MIGA2: variants seen among roughly 807,000 people sequenced by gnomAD.
MIGA2 encodes mitoguardin 2.
MIGA2 carries 36 observed loss-of-function variants against 69.9 expected under a neutral mutation model. That is an observed-to-expected ratio of 0.52 (90% CI 0.39 to 0.68). The LOEUF (loss-of-function observed/expected upper bound fraction) is 0.68. Ranked by LOEUF, MIGA2 falls within the 30% of genes least tolerant of loss-of-function variation. The probability of loss-of-function intolerance (pLI) is 0.00; values close to 1 mark genes in which losing one functional copy is unlikely to be tolerated. For synonymous variants in MIGA2, 333 were observed against 349.2 expected (o/e 0.95, Z 0.52); for missense variants, 660 against 787.7 (o/e 0.84, Z 1.94).
chr9:129,066,399 G>A (rs887558049), intron 11 of MIGA2, among the ~76,000 whole-genome samples: 1 of 152,212 alleles, frequency 6.6e-6, no homozygotes, highest in African/African-American at 2.4e-5. Context: ...ATGAGGCTGG[G>A]CGCAGTGGCT....
intron 1 of MIGA2, 24 bp from the exon 2 acceptor site, chr9:129,040,428 C>T: frequency 7.3e-7 from 1 of 1,365,930 alleles, no homozygotes; most frequent in Non-Finnish European, 9.6e-7. Context: ...GTTCTCTTAT[C>T]TGACTTGGTC....
intron 6 of MIGA2, among the ~76,000 whole-genome samples, chr9:129,053,619 G>A (rs1474692009): frequency 6.6e-6 from 1 of 152,058 alleles, no homozygotes; most frequent in African/African-American, 2.4e-5. Flanking sequence ...CGCCCGCCTC[G>A]GCCTCGCAAC....
Position 129,068,752 on chromosome 9 carries a change from G to C in MIGA2, c.1405-324G>C. 2 of 443,778 alleles carry C rather than the reference G, an allele frequency of 4.5e-6. No homozygotes were observed. The highest frequency in any genetic ancestry group is 8.2e-6 in the Non-Finnish European group (2 of 242,864). The allele number at this position is 443,778 out of a possible 1,614,324, so 27.5% of individuals were successfully genotyped here. ...GCCGGGCTGTGCTGCCTGGGCCCAG[G>C]CTTCTGCGAGGTGGTTTACAGGCGG... is the stretch of plus-strand genomic sequence containing the variant. On this transcript the variant is annotated intron_variant, in intron 13 of 15. Coordinates refer to ENST00000684074, the MANE Select transcript of MIGA2 (RefSeq NM_001329990.2). This position sits in a 1 kb window ranked among gnomAD's most constrained non-coding sequence, Gnocchi z 4.1.
intron 6 of MIGA2, among the ~76,000 whole-genome samples, chr9:129,055,339 A>G (rs1845741734): frequency 6.6e-6 from 1 of 151,838 alleles, no homozygotes; most frequent in Non-Finnish European, 1.5e-5. Flanking sequence ...CGGCCTCCCA[A>G]AGTGCTGGGA....
In MIGA2 at chr9:129,060,439, G is replaced by C; in HGVS notation, c.794-111G>C. ...TTTGCCATTGAGTGTGGGAATCACA[G>C]GCTCGGGATGAAGCCTCCCCTGGGC... is the stretch of plus-strand genomic sequence containing the variant. On this transcript the variant is annotated intron_variant, in intron 7 of 15. Transcript: ENST00000684074. This position sits in a 1 kb window ranked among gnomAD's most constrained non-coding sequence, Gnocchi z 4.8. 1 of 854,904 alleles carries C rather than the reference G, an allele frequency of 1.2e-6. No individual in the cohort carries two copies. The highest frequency in any genetic ancestry group is 1.8e-6 in the Non-Finnish European group (1 of 549,820). The allele number at this position is 854,904 out of a possible 1,614,324, so 53.0% of individuals were successfully genotyped here.
At chr9:129,038,847 G>A (rs959905749) in intron 1 of MIGA2, among the ~76,000 whole-genome samples, 48 of 127,528 alleles carry the variant, frequency 3.8e-4, no homozygotes, top group African/African-American at 1.4e-3. Flanking sequence ...CCAGACTGAA[G>A]TGCAGTGGCG....
chr9:129,052,129 AATTT>A (rs1845580422), intron 6 of MIGA2, among the ~76,000 whole-genome samples: 1 of 149,906 alleles, frequency 6.7e-6, no homozygotes, highest in African/African-American at 2.5e-5. Context: ...CCCAGCCTGT[AATTT>A]ATTTATTTTT....
chr9:129,064,468 A>G (rs1846235333), intron 11 of MIGA2, among the ~76,000 whole-genome samples: 2 of 151,082 alleles, frequency 1.3e-5, no homozygotes, highest in African/African-American at 4.9e-5. Flanking sequence ...CGGCCTCCCA[A>G]AGTGCTGGGA....
In MIGA2 at chr9:129,069,647, G is replaced by T. The variant is rs751278457; in HGVS notation, c.1459-202G>T. The T allele has an allele frequency of 1.7e-6, 1 of 603,966 alleles. No individual in the cohort carries two copies. The highest frequency in any genetic ancestry group is 3.0e-6 in the Non-Finnish European group (1 of 335,190). 37.4% of individuals were successfully genotyped at this position (603,966 alleles called of 1,614,324 possible). ...AGCCACTATGGCCCCACCTCTTGCA[G>T]TACTCACAGCGGCCCATGGTTACCC... On this transcript the variant is annotated intron_variant, in intron 14 of 15. Transcript: ENST00000684074. This position sits in a 1 kb window ranked among gnomAD's most constrained non-coding sequence, Gnocchi z 4.9.
intron 1 of MIGA2, among the ~76,000 whole-genome samples, chr9:129,038,571 C>G (rs1844719700): frequency 6.6e-6 from 1 of 152,088 alleles, no homozygotes; most frequent in Non-Finnish European, 1.5e-5. Flanking sequence ...CTGCCCAGTA[C>G]TCTGTGGTCT....
At chr9:129,058,931 TC>T (rs1845926892) in intron 6 of MIGA2, among the ~76,000 whole-genome samples, 2 of 152,200 alleles carry the variant, frequency 1.3e-5, no homozygotes, top group African/African-American at 4.8e-5. Context: ...GTGTTTGAAA[TC>T]TGGTGTGTGT....
chr9:129,071,875 C>T lies in MIGA2; in HGVS notation c.*1422C>T, dbSNP rs1846698172. ...GACCCTGTGCTCCCCGCCCCCCATC[C>T]TGACATCCTGTTCTTTTGCACTTAC... On this transcript the variant is annotated 3_prime_UTR_variant, in exon 16 of 16. Transcript: ENST00000684074. The T allele has an allele frequency of 6.5e-6, 1 of 152,736 alleles. No homozygotes were observed. Among genetic ancestry groups the T allele is most frequent in the African/African-American group, 2.4e-5 (1 of 41,468 alleles). 9.5% of individuals were successfully genotyped at this position (152,736 alleles called of 1,614,324 possible). A position where few individuals can be genotyped will look rare whatever the true frequency, so the allele number is the denominator to read the frequency against.
chr9:129,058,884 G>A (rs540399803), intron 6 of MIGA2, among the ~76,000 whole-genome samples: 56 of 152,284 alleles, frequency 3.7e-4, no homozygotes, highest in African/African-American at 1.3e-3. Context: ...GTAATCAACA[G>A]AAAAGATTCC....
chr9:129,052,543 G>T (rs534263137), intron 6 of MIGA2, among the ~76,000 whole-genome samples: 1 of 152,158 alleles, frequency 6.6e-6, no homozygotes, highest in South Asian at 2.1e-4. Flanking sequence ...TTGGGAGGCC[G>T]AGGCAGGAGG....
At position 129,049,971 on chromosome 9, in the gene MIGA2, G is replaced by T. The variant is rs1160192581; in HGVS notation, c.675+8G>T. 3 of 1,610,078 alleles carry T rather than the reference G, an allele frequency of 1.9e-6. No homozygotes were observed. The highest frequency in any genetic ancestry group is 2.5e-6 in the Non-Finnish European group (3 of 1,178,272). ...TCAGAGCCACTGTCTGAGGTAGGTG[G>T]TCTTCTGCATCCCCCTACGCCCATG... On this transcript the variant is annotated splice_region_variant and intron_variant, in intron 6 of 15. Transcript: ENST00000684074.
At position 129,061,108 on chromosome 9, in the gene MIGA2, G is replaced by A; in HGVS notation, c.895-123G>A. ...GTGTTCCCTCTGACATCCCCTCAGAGACGTTGGCAGTGGGCAGGCACCTGG... is the reference window on the plus strand; with the variant it reads ...GTGTTCCCTCTGACATCCCCTCAGAAACGTTGGCAGTGGGCAGGCACCTGG... On this transcript the variant is annotated intron_variant, in intron 8 of 15. Transcript: ENST00000684074. The surrounding 1 kb of genome is among the most constrained non-coding windows in gnomAD (Gnocchi z 5.0). 4 of 763,746 alleles carry A rather than the reference G, an allele frequency of 5.2e-6. No individual in the cohort carries two copies. The South Asian group carries it at 6.1e-5, about 12-fold the overall frequency. The allele number at this position is 763,746 out of a possible 1,614,324, so 47.3% of individuals were successfully genotyped here.
chr9:129,060,418 C>A lies in MIGA2; in HGVS notation c.794-132C>A. 2 of 716,402 alleles carry A rather than the reference C, an allele frequency of 2.8e-6. No homozygotes were observed. The highest frequency in any genetic ancestry group is 4.6e-6 in the Non-Finnish European group (2 of 432,182). 44.4% of individuals were successfully genotyped at this position (716,402 alleles called of 1,614,324 possible). On this transcript the variant is annotated intron_variant, in intron 7 of 15. Coordinates refer to ENST00000684074, the MANE Select transcript of MIGA2 (RefSeq NM_001329990.2). This position sits in a 1 kb window ranked among gnomAD's most constrained non-coding sequence, Gnocchi z 4.8. Reference sequence around the variant, plus strand: ...AAGCGCTTGGCACGTCAGAGCTTTGCCATTGAGTGTGGGAATCACAGGCTC... The same window carrying A: ...AAGCGCTTGGCACGTCAGAGCTTTGACATTGAGTGTGGGAATCACAGGCTC...
In MIGA2 at chr9:129,042,360, G is replaced by A. The variant is rs567781829; in HGVS notation, c.153G>A (p.Thr51=). The A allele has an allele frequency of 1.2e-6, 2 of 1,613,508 alleles. No individual in the cohort carries two copies. Among genetic ancestry groups the A allele is most frequent in the South Asian group, 1.1e-5 (1 of 91,048 alleles). Residue 51 remains threonine (T), a synonymous_variant, in exon 3 of 16, where the codon ACG becomes ACA. Transcript: ENST00000684074. ...GCCTGCGGAAAGTCCTCTTTGCCAC[G>A]GCCCTGGGGACTGTGGCCCTGGCCC... ...TPGLRKVLFA[T]ALGTVALALA... is the part of the protein sequence containing the mutation.
rs1428270291 is a variant in MIGA2, at chr9:129,060,700, C to T, written c.894+50C>T. 5.5e-6 allele frequency: 8 copies of T among 1,446,990 alleles called. No homozygotes were observed. The highest frequency in any genetic ancestry group is 6.6e-6 in the Non-Finnish European group (7 of 1,056,602). 89.6% of individuals were successfully genotyped at this position (1,446,990 alleles called of 1,614,324 possible). ...TGGGGTGGGGTGAAGGCTGGGCCTCCTCTGCAGGTCCATGGGGCCAGCACT... is the reference window on the plus strand; with the variant it reads ...TGGGGTGGGGTGAAGGCTGGGCCTCTTCTGCAGGTCCATGGGGCCAGCACT... On this transcript the variant is annotated intron_variant, in intron 8 of 15. Coordinates refer to ENST00000684074, the MANE Select transcript of MIGA2 (RefSeq NM_001329990.2). This position sits in a 1 kb window ranked among gnomAD's most constrained non-coding sequence, Gnocchi z 4.8.
Sources: allele counts gnomAD v4.1 joint callset (sites outside exome capture counted in the v4.1 genomes callset), GRCh38; gene constraint gnomAD v4.1.1; non-coding constraint Gnocchi (gnomAD v3.1); transcripts MANE v1.5; gene names NCBI Gene and HGNC (gene_info 2026-07-23, HGNC 2026-07-21).